The following LPAR5 variants were observed in gnomAD, a reference collection of about 807,000 sequenced individuals.
LPAR5 encodes the protein lysophosphatidic acid receptor 5, also known as G protein-coupled receptor 92.
For missense variants in LPAR5, 544 were observed against 521.8 expected, an observed-to-expected ratio of 1.04 and a Z score of -0.41; for synonymous variants, 271 against 261.6, an observed-to-expected ratio of 1.04 and a Z score of -0.35.
In LPAR5 at chr12:6,634,160, C is replaced by T. The variant is rs559983020; in HGVS notation, c.-217+1747G>A. 7.9e-5 allele frequency among the ~76,000 whole-genome samples: 12 copies of T among 152,238 alleles called. No individual in the cohort carries two copies. The East Asian group carries it at 1.2e-3, about 15-fold the overall frequency. ...AGCTGGGACTATAGGTGCGTGCCAC[C>T]GTGCCCAACTAATTTTTGTCTTTTC... On this transcript the variant is annotated intron_variant, in intron 1 of 1. Coordinates refer to ENST00000329858, the MANE Select transcript of LPAR5 (RefSeq NM_020400.6).
chr12:6,621,200 C>G lies in LPAR5; in HGVS notation c.49G>C (p.Asp17His), dbSNP rs755778258. The G allele has an allele frequency of 7.1e-6, 11 of 1,548,412 alleles. No individual in the cohort carries two copies. In the East Asian group the frequency reaches 2.5e-4, roughly 35 times the overall value. The stretch of plus-strand genomic sequence containing the variant: ...TGCAGGCGGTGGGTAGGTCGGTAGT[C>G]AGGACACGGGAGAACAGAACTGTTG... ...STNSSVLPCPDYRPTHRLHLV... is the reference protein window; with the variant it reads ...STNSSVLPCPHYRPTHRLHLV... Residue 17 changes from aspartate to histidine, a missense_variant, in exon 2 of 2, where the codon GAC becomes CAC. Physicochemically the swap from Asp to His is moderately conservative, Grantham distance 81 (BLOSUM62 -1). Coordinates refer to ENST00000329858, the MANE Select transcript of LPAR5 (RefSeq NM_020400.6).
chr12:6,621,047 C>G lies in LPAR5; in HGVS notation c.202G>C (p.Asp68His), dbSNP rs774946341. The change falls in exon 2 of 2, where the codon GAC becomes CAC. Residue 68 changes from aspartate to histidine, a missense_variant. Coordinates refer to ENST00000329858, the MANE Select transcript of LPAR5 (RefSeq NM_020400.6). Reference protein sequence around the residue: ...SVYMCNLAASDLLFTLSLPVR... With the variant: ...SVYMCNLAASHLLFTLSLPVR... ...GGCAGCGAGAGGGTGAAGAGCAGGT[C>G]GCTGGCCGCCAGGTTACACATGTAC... The G allele has an allele frequency of 5.0e-6, 8 of 1,605,760 alleles. No homozygotes were observed. In the Admixed American group the frequency reaches 1.3e-4, roughly 27 times the overall value.
chr12:6,628,641 T>C (rs1948961433), intron 1 of LPAR5, among the ~76,000 whole-genome samples: 1 of 150,810 alleles, frequency 6.6e-6, no homozygotes, highest in South Asian at 2.1e-4. Context: ...CTTTTTTTTT[T>C]TTTTTTTTGA....
rs1220902131 is a variant in LPAR5 at position 6,619,739 on chromosome 12, C to CTGG, written c.*388_*390dup. On this transcript the variant is annotated 3_prime_UTR_variant, in exon 2 of 2. Transcript: ENST00000329858. ...ATCTCAGTAGCTTTGTCCACCAAACCTGGTGCTCTTCAGCTCTCAGGCCCC... is the reference window on the plus strand; with the variant it reads ...ATCTCAGTAGCTTTGTCCACCAAACCTGGTGGTGCTCTTCAGCTCTCAGGCCCC... 2.7e-6 allele frequency: 1 copy of CTGG among 372,020 alleles called. No homozygotes were observed. Among genetic ancestry groups the CTGG allele is most frequent in the Non-Finnish European group, 5.2e-6 (1 of 191,122 alleles). The allele number at this position is 372,020 out of a possible 1,614,324, so 23.0% of individuals were successfully genotyped here. A position where few individuals can be genotyped will look rare whatever the true frequency, so the allele number is the denominator to read the frequency against.
chr12:6,631,249 C>T (rs1448742537), intron 1 of LPAR5, among the ~76,000 whole-genome samples: 2 of 152,204 alleles, frequency 1.3e-5, no homozygotes, highest in Non-Finnish European at 2.9e-5. Flanking sequence ...CACACAAGAC[C>T]CCTAGTAACA....
intron 1 of LPAR5, among the ~76,000 whole-genome samples, chr12:6,625,242 G>A (rs1026227898): frequency 1.3e-5 from 2 of 151,688 alleles, no homozygotes; most frequent in Non-Finnish European, 2.9e-5. Flanking sequence ...TGGCTAACAC[G>A]GTGAAATCTC....
rs546036581 is a variant in LPAR5 at position 6,625,710 on chromosome 12, G to A, written c.-216-4246C>T. The stretch of plus-strand genomic sequence containing the variant: ...TGCATTCCAGCCTGGGCGACAGTGA[G>A]ACTCCGTCTCAAAAAAAAAAAAAGG... On this transcript the variant is annotated intron_variant, in intron 1 of 1. Coordinates refer to ENST00000329858, the MANE Select transcript of LPAR5 (RefSeq NM_020400.6). 1.1e-3 allele frequency among the ~76,000 whole-genome samples: 144 copies of A among 129,358 alleles called. 1 individual carries two copies. The highest frequency in any genetic ancestry group is 3.7e-3 in the African/African-American group (139 of 37,464). 84.9% of individuals were successfully genotyped at this position (129,358 alleles called of 152,430 possible).
chr12:6,625,480 A>G lies in LPAR5; in HGVS notation c.-216-4016T>C, dbSNP rs149244347. ...CTCATGCCTGTAATCCCAGCACTTT[A>G]GGAGGCCAAGGCGGGCGGATCACAA... On this transcript the variant is annotated intron_variant, in intron 1 of 1. Transcript: ENST00000329858. 5.8e-3 allele frequency among the ~76,000 whole-genome samples: 833 copies of G among 143,168 alleles called. 6 individuals carry two copies. The highest frequency in any genetic ancestry group is 0.013 in the Middle Eastern group (3 of 232). 93.9% of individuals were successfully genotyped at this position (143,168 alleles called of 152,430 possible).
chr12:6,632,432 GTC>G (rs1320417463), intron 1 of LPAR5, among the ~76,000 whole-genome samples: 1 of 152,136 alleles, frequency 6.6e-6, no homozygotes, highest in Non-Finnish European at 1.5e-5. Flanking sequence ...GCCCATCAGT[GTC>G]TCAGCCCCGA....
chr12:6,632,286 A>G (rs920239267), intron 1 of LPAR5, among the ~76,000 whole-genome samples: 3 of 152,086 alleles, frequency 2.0e-5, no homozygotes, highest in Non-Finnish European at 4.4e-5. Context: ...CCTCTTTCAA[A>G]TAATTCACAT....
Position 6,620,312 on chromosome 12 carries a change from T to C in LPAR5, c.937A>G (p.Thr313Ala), listed in dbSNP as rs1163767397. ...GFRNTLRGLG[T>A]PHRARTSATN... ...GCCGAGGTCCTGGCCCGGTGCGGAGTGCCCAGGCCGCGCAGGGTGTTGCGG... is the reference window on the plus strand; with the variant it reads ...GCCGAGGTCCTGGCCCGGTGCGGAGCGCCCAGGCCGCGCAGGGTGTTGCGG... The change falls in exon 2 of 2, where the codon ACT (threonine) becomes GCT (alanine). Residue 313 changes from threonine to alanine, a missense_variant. Physicochemically the swap from Thr to Ala is moderately conservative, Grantham distance 58. Coordinates refer to ENST00000329858, the MANE Select transcript of LPAR5 (RefSeq NM_020400.6). The surrounding 1 kb of genome is among the most constrained non-coding windows in gnomAD (Gnocchi z 6.8). 39 of 1,606,978 alleles carry C rather than the reference T, an allele frequency of 2.4e-5. No homozygotes were observed. The highest frequency in any genetic ancestry group is 3.2e-5 in the Non-Finnish European group (38 of 1,177,000).
chr12:6,628,310 C>T (rs576949558), intron 1 of LPAR5, among the ~76,000 whole-genome samples: 2 of 152,090 alleles, frequency 1.3e-5, no homozygotes, highest in Admixed American at 1.3e-4. Context: ...CGTGAGCCAC[C>T]GCGCCAGGCC....
At chr12:6,634,430 T>C (rs938606282) in intron 1 of LPAR5, among the ~76,000 whole-genome samples, 4 of 149,920 alleles carry the variant, frequency 2.7e-5, no homozygotes, top group African/African-American at 7.4e-5. Context: ...CTGGGCAACA[T>C]GGTGAAACCC....
intron 1 of LPAR5, among the ~76,000 whole-genome samples, chr12:6,631,039 C>T (rs1394085892): frequency 6.6e-6 from 1 of 152,148 alleles, no homozygotes; most frequent in East Asian, 1.9e-4. Flanking sequence ...CCAATCCTGC[C>T]TTGAAGAAGA....
chr12:6,624,885 G>A (rs993415254), intron 1 of LPAR5, among the ~76,000 whole-genome samples: 3 of 151,650 alleles, frequency 2.0e-5, no homozygotes, highest in Non-Finnish European at 4.4e-5. Flanking sequence ...CTCCCAAAGT[G>A]CTGGGATTAC....
intron 1 of LPAR5, among the ~76,000 whole-genome samples, chr12:6,632,005 A>T (rs1374828174): frequency 6.6e-6 from 1 of 151,604 alleles, no homozygotes; most frequent in East Asian, 1.9e-4. Flanking sequence ...GGAGTCTCGC[A>T]CTGTCGCCTG....
At chr12:6,624,715 G>T (rs1565386812) in intron 1 of LPAR5, among the ~76,000 whole-genome samples, 1 of 152,158 alleles carries the variant, frequency 6.6e-6, no homozygotes, top group Non-Finnish European at 1.5e-5. Flanking sequence ...CTGCTTCCAG[G>T]GTTCAAGCGA....
chr12:6,631,433 A>C (rs1948980159), intron 1 of LPAR5, among the ~76,000 whole-genome samples: 1 of 152,166 alleles, frequency 6.6e-6, no homozygotes, highest in African/African-American at 2.4e-5. Flanking sequence ...GAGCAAAGTG[A>C]CCACGACACA....
At chr12:6,626,432 G>T (rs1445104592) in intron 1 of LPAR5, among the ~76,000 whole-genome samples, 1 of 152,076 alleles carries the variant, frequency 6.6e-6, no homozygotes, top group Non-Finnish European at 1.5e-5. Flanking sequence ...TCTTGTATTT[G>T]GTTTTGTTCT....
Sources: allele counts gnomAD v4.1 joint callset (sites outside exome capture counted in the v4.1 genomes callset), GRCh38; gene constraint gnomAD v4.1.1; non-coding constraint Gnocchi (gnomAD v3.1); transcripts MANE v1.5; gene names NCBI Gene and HGNC (gene_info 2026-07-23, HGNC 2026-07-21).